MALRD1: variants seen among roughly 807,000 people sequenced by gnomAD.
MALRD1 encodes MAM and LDL-receptor class A domain-containing protein 1.
Under a neutral mutation model 242.1 loss-of-function variants are expected in MALRD1, and 247 were observed. The ratio of observed to expected loss-of-function variants is 1.02; its 90% CI spans 0.92 to 1.13. The LOEUF (loss-of-function observed/expected upper bound fraction) is 1.13. Ranked by LOEUF, MALRD1 falls within the 50% of genes most tolerant of loss-of-function variation. The probability of loss-of-function intolerance (pLI) is 0.00; values close to 1 mark genes in which losing one functional copy is unlikely to be tolerated. For missense variants in MALRD1, 2,989 were observed against 2,533.1 expected (o/e 1.18, Z -3.86); for synonymous variants, 995 against 866.6 (o/e 1.15, Z -2.60).
At chr10:19,568,909 C>A (rs1377538094) in intron 33 of MALRD1, among the ~76,000 whole-genome samples, 1 of 152,022 alleles carries the variant, frequency 6.6e-6, no homozygotes, top group Non-Finnish European at 1.5e-5. Context: ...CATGTTAGTA[C>A]ATTTATTTAT....
Position 19,327,677 on chromosome 10 carries a change from T to C in MALRD1, c.3687+4T>C. 6.5e-7 allele frequency: 1 copy of C among 1,543,574 alleles called. No individual in the cohort carries two copies. The highest frequency in any genetic ancestry group is 2.4e-5 in the East Asian group (1 of 40,872). ...AGGCATTCGTTCACATACACAGGTG[T>C]GTAATACAGGTAGTTATGGGGTGAG... is the stretch of plus-strand genomic sequence containing the variant. On this transcript the variant is annotated splice_donor_region_variant and intron_variant, in intron 23 of 39. Transcript: ENST00000454679.
chr10:19,366,109 T>A (rs1405698378), intron 26 of MALRD1, among the ~76,000 whole-genome samples: 1 of 151,976 alleles, frequency 6.6e-6, no homozygotes, highest in Non-Finnish European at 1.5e-5. Flanking sequence ...TATATTACAT[T>A]TATTGTATAC....
chr10:19,234,138 T>C (rs1007582259), intron 18 of MALRD1, among the ~76,000 whole-genome samples: 12 of 152,032 alleles, frequency 7.9e-5, no homozygotes, highest in Non-Finnish European at 1.8e-4. Flanking sequence ...AGTGACATTA[T>C]AGGTGTTCCT....
chr10:19,351,462 G>T (rs370381653), intron 25 of MALRD1, among the ~76,000 whole-genome samples: 1 of 152,130 alleles, frequency 6.6e-6, no homozygotes, highest in African/African-American at 2.4e-5. Context: ...GTAAAATTTG[G>T]ATAATTACTG....
intron 38 of MALRD1, among the ~76,000 whole-genome samples, chr10:19,696,040 C>A (rs1239130421): frequency 1.3e-5 from 2 of 152,094 alleles, no homozygotes; most frequent in East Asian, 3.9e-4. Context: ...ACAGCTGAAC[C>A]ATATCACATA....
chr10:19,563,306 C>G (rs1340299886), intron 32 of MALRD1, among the ~76,000 whole-genome samples: 1 of 152,104 alleles, frequency 6.6e-6, no homozygotes, highest in Non-Finnish European at 1.5e-5. Context: ...AACCTGTAAC[C>G]TCTTCTCTTC....
intron 31 of MALRD1, among the ~76,000 whole-genome samples, chr10:19,523,508 G>A (rs1057397060): frequency 2.0e-5 from 3 of 152,062 alleles, no homozygotes; most frequent in African/African-American, 4.8e-5. Context: ...AGTTTTACTT[G>A]TAATCTCATT....
chr10:19,283,564 C>T (rs917012247), intron 21 of MALRD1, among the ~76,000 whole-genome samples: 2 of 152,036 alleles, frequency 1.3e-5, no homozygotes, highest in East Asian at 1.9e-4. Context: ...TTCAGCCTCC[C>T]TTTTTTCCCC....
chr10:19,209,222 T>C, intron 17 of MALRD1, 46 bp from the exon 18 acceptor site: 1 of 1,442,330 alleles, frequency 6.9e-7, no homozygotes, highest in African/African-American at 1.4e-5. Context: ...GTTGCATGTA[T>C]TTTTGTCCCT....
chr10:19,658,284 G>A (rs559739183), intron 36 of MALRD1, among the ~76,000 whole-genome samples: 2 of 152,000 alleles, frequency 1.3e-5, no homozygotes, highest in East Asian at 3.9e-4. Flanking sequence ...CTCTTTAAAC[G>A]TTGATATCTT....
chr10:19,384,647 A>C (rs1209607425), intron 26 of MALRD1, among the ~76,000 whole-genome samples: 1 of 134,104 alleles, frequency 7.5e-6, no homozygotes, highest in Non-Finnish European at 1.5e-5. Flanking sequence ...TATATAGTAT[A>C]TATAATATAA....
chr10:19,257,036 C>G (rs1481853048), intron 18 of MALRD1, among the ~76,000 whole-genome samples: 1 of 152,024 alleles, frequency 6.6e-6, no homozygotes, highest in African/African-American at 2.4e-5. Flanking sequence ...CTACCATATA[C>G]TACAGTGGTT....
intron 33 of MALRD1, among the ~76,000 whole-genome samples, chr10:19,573,039 T>C (rs1413335832): frequency 1.3e-5 from 2 of 152,322 alleles, no homozygotes; most frequent in Admixed American, 1.3e-4. Flanking sequence ...CATTGAACTC[T>C]ATTTTATAGT....
chr10:19,677,324 G>A (rs1454073820), intron 36 of MALRD1, among the ~76,000 whole-genome samples: 1 of 152,138 alleles, frequency 6.6e-6, no homozygotes, highest in Non-Finnish European at 1.5e-5. Flanking sequence ...CACAGCATCT[G>A]TAGTTTCTTG....
At chr10:19,082,437 C>T (rs548779511) in intron 2 of MALRD1, among the ~76,000 whole-genome samples, 4 of 151,572 alleles carry the variant, frequency 2.6e-5, no homozygotes, top group Admixed American at 2.6e-4. Context: ...ATAATATCTA[C>T]CTGTTTATTG....
rs550557379 is a variant in MALRD1, at chr10:19,125,092, C to T, written c.943+422C>T. On this transcript the variant is annotated intron_variant, in intron 7 of 39. Transcript: ENST00000454679. Reference sequence around the variant, plus strand: ...TCCCAAGCAGCTGGGACTACAGGCACGTGCTACCATGCCTGGCTAATTTTT... The same window carrying T: ...TCCCAAGCAGCTGGGACTACAGGCATGTGCTACCATGCCTGGCTAATTTTT... Among the ~76,000 whole-genome samples, 31 of 151,226 alleles carry T rather than the reference C, an allele frequency of 2.0e-4. 1 individual carries two copies. In the East Asian group the frequency reaches 4.1e-3, roughly 20 times the overall value.
At chr10:19,675,141 A>G (rs1389536231) in intron 36 of MALRD1, among the ~76,000 whole-genome samples, 2 of 152,192 alleles carry the variant, frequency 1.3e-5, no homozygotes, top group Non-Finnish European at 2.9e-5. Context: ...CTTCCTTCCT[A>G]CATTTGCAAT....
intron 19 of MALRD1, among the ~76,000 whole-genome samples, chr10:19,278,174 A>C (rs2131871096): frequency 6.6e-6 from 1 of 152,198 alleles, no homozygotes; most frequent in East Asian, 1.9e-4. Context: ...TTATCATGTT[A>C]AATTCTCACA....
intron 33 of MALRD1, among the ~76,000 whole-genome samples, chr10:19,589,934 A>C (rs758421126): frequency 6.6e-6 from 1 of 152,166 alleles, no homozygotes; most frequent in Non-Finnish European, 1.5e-5. Context: ...CATAATGAAC[A>C]ACAACATGAA....
Sources: allele counts gnomAD v4.1 joint callset (sites outside exome capture counted in the v4.1 genomes callset), GRCh38; gene constraint gnomAD v4.1.1; transcripts MANE v1.5; gene names NCBI Gene and HGNC (gene_info 2026-07-23, HGNC 2026-07-21).